The following CHD5 variants were observed in gnomAD, a reference collection of about 807,000 sequenced individuals.
The protein encoded by CHD5 is chromodomain helicase DNA binding protein 5, also known as ATP-dependent chromatin remodeler CHD5.
A neutral mutation model predicts 230.3 loss-of-function variants in CHD5; 69 were observed. That is an observed-to-expected ratio of 0.30 (90% confidence interval 0.25 to 0.37). The LOEUF (loss-of-function observed/expected upper bound fraction) is 0.37. Ranked by LOEUF, CHD5 falls within the 10% of genes least tolerant of loss-of-function variation. CHD5 has a pLI of 1.00. For synonymous variants in CHD5, 1,064 were observed against 1,065.9 expected (o/e 1.00, Z 0.03); for missense variants, 1,827 against 2,622.8 (o/e 0.70, Z 6.63).
chr1:6,107,963 A>G (rs1666221161), intron 38 of CHD5, among the ~76,000 whole-genome samples: 1 of 128,930 alleles, frequency 7.8e-6, no homozygotes, highest in Non-Finnish European at 1.6e-5. Context: ...TGATGGAGGG[A>G]TGGAAGGATG....
intron 25 of CHD5, chr1:6,127,147 G>A (rs1179977876): frequency 5.0e-6 from 1 of 201,012 alleles, no homozygotes; most frequent in South Asian, 8.8e-5. Context: ...AGACCCACAA[G>A]GAGCTCTTCG....
At chr1:6,141,280 G>A (rs999410760) in intron 15 of CHD5, among the ~76,000 whole-genome samples, 32 of 137,526 alleles carry the variant, frequency 2.3e-4, no homozygotes, top group East Asian at 2.2e-4. Context: ...GTGAGACTCC[G>A]TCTCAAAAAA....
chr1:6,133,361 T>G (rs902884582), intron 20 of CHD5, among the ~76,000 whole-genome samples: 2 of 152,252 alleles, frequency 1.3e-5, no homozygotes, highest in Non-Finnish European at 2.9e-5. Flanking sequence ...TCCAGTATTC[T>G]TCGGGCTGAA....
rs189322724 is a variant in CHD5 at position 6,129,448 on chromosome 1, G to A, written c.3388-379C>T. ...TTTCCCTGTGAGCGAACCACTAATG[G>A]GACCACAAGACCATGTGCTGGAGAC... On this transcript the variant is annotated intron_variant, in intron 22 of 41. Transcript: ENST00000262450. The surrounding 1 kb of genome is among the most constrained non-coding windows in gnomAD (Gnocchi z 6.8). Among the ~76,000 whole-genome samples, 17 of 152,258 alleles carry A rather than the reference G, an allele frequency of 1.1e-4. 1 individual carries two copies. In the East Asian group the frequency reaches 3.3e-3, roughly 29 times the overall value.
chr1:6,107,720 GATGGAGGGAT>G (rs1666213628), intron 38 of CHD5, among the ~76,000 whole-genome samples: 1 of 92,624 alleles, frequency 1.1e-5, no homozygotes, highest in African/African-American at 4.8e-5. Flanking sequence ...ATGGAGGGAT[GATGGAGGGAT>G]GAGGGATGAT....
intron 38 of CHD5, among the ~76,000 whole-genome samples, chr1:6,107,416 G>A (rs1666200614): frequency 9.7e-6 from 1 of 103,410 alleles, no homozygotes; most frequent in African/African-American, 4.1e-5. Context: ...GAAATGGAGG[G>A]ATGGAGGGAT....
Position 6,144,101 on chromosome 1 carries a change from G to A in CHD5, c.1857C>T (p.Tyr619=), listed in dbSNP as rs17436816. 177,322 of 1,614,092 alleles carry A rather than the reference G, an allele frequency of 0.11. 10,743 individuals are homozygous for A. The highest frequency in any genetic ancestry group is 0.24 in the Middle Eastern group (1,441 of 6,060). The change falls in exon 12 of 42, where the codon TAC becomes TAT. Residue 619 remains tyrosine, a synonymous_variant. Transcript: ENST00000262450. ...CATCGATCTCCCAGGTGCACTGGTC[G>A]TAGGGCAGGTCTTTCCACTTGATCA... ...HYLIKWKDLP[Y]DQCTWEIDDI...
intron 33 of CHD5, among the ~76,000 whole-genome samples, chr1:6,115,029 G>A (rs1666356971): frequency 6.6e-6 from 1 of 151,340 alleles, no homozygotes; most frequent in Non-Finnish European, 1.5e-5. Flanking sequence ...AAAAAAAGGG[G>A]GGGGCAGGCG....
chr1:6,108,802 T>G, intron 38 of CHD5, among the ~76,000 whole-genome samples: 1 of 135,798 alleles, frequency 7.4e-6, no homozygotes, highest in Non-Finnish European at 1.6e-5. Context: ...GATGGAGGTG[T>G]GGAAGGATGG....
chr1:6,123,015 C>T lies in CHD5; in HGVS notation c.4699+933G>A, dbSNP rs1000954811. ...CTGGGAGGCGGAGGTTGCAGTGAGC[C>T]GAGATCACTCCATCGCACTCCAGCC... On this transcript the variant is annotated intron_variant, in intron 31 of 41. Transcript: ENST00000262450. Among the ~76,000 whole-genome samples the T allele has an allele frequency of 8.0e-5, 12 of 150,786 alleles. No homozygotes were observed. In the East Asian group the frequency reaches 1.8e-3, roughly 22 times the overall value.
At chr1:6,139,422 A>C (rs1571154623) in intron 15 of CHD5, among the ~76,000 whole-genome samples, 1 of 151,914 alleles carries the variant, frequency 6.6e-6, no homozygotes, top group Non-Finnish European at 1.5e-5. Context: ...TTTTTAGCAG[A>C]GATAGGGTTT....
intron 25 of CHD5, among the ~76,000 whole-genome samples, chr1:6,127,454 C>G (rs975358914): frequency 6.6e-6 from 1 of 151,764 alleles, no homozygotes; most frequent in African/African-American, 2.4e-5. Context: ...CCACTGCACT[C>G]CAGCCGGGGC....
Position 6,146,526 on chromosome 1 carries a change from A to G in CHD5, c.1591-103T>C. On this transcript the variant is annotated intron_variant, in intron 10 of 41. Transcript: ENST00000262450. This position sits in a 1 kb window ranked among gnomAD's most constrained non-coding sequence, Gnocchi z 5.1. The stretch of plus-strand genomic sequence containing the variant: ...CCCCAGCCCAGGTCCCAGGCAGGAC[A>G]ATCCTCCCGCTCAGCACCACCCCAA... 2.1e-6 allele frequency: 3 copies of G among 1,406,166 alleles called. No homozygotes were observed. Among genetic ancestry groups the G allele is most frequent in the Non-Finnish European group, 3.0e-6 (3 of 1,003,682 alleles). 87.1% of individuals were successfully genotyped at this position (1,406,166 alleles called of 1,614,324 possible).
chr1:6,142,543 C>T lies in CHD5; in HGVS notation c.2106G>A (p.Pro702=), dbSNP rs770302662. Residue 702 remains proline (P), a synonymous_variant, in exon 14 of 42, where the codon CCG becomes CCA. Coordinates refer to ENST00000262450, the MANE Select transcript of CHD5 (RefSeq NM_015557.3). The surrounding 1 kb of genome is among the most constrained non-coding windows in gnomAD (Gnocchi z 5.2). ...YIDSTGGTLH[P]YQLEGLNWLR... is the part of the protein sequence containing the mutation. ...GCCAGTTGAGGCCCTCCAGCTGGTA[C>T]GGGTGCAGTGTGCCGCCTGTGGAGT... is the stretch of plus-strand genomic sequence containing the variant. 1.2e-5 allele frequency: 20 copies of T among 1,614,092 alleles called. No individual in the cohort carries two copies. Among genetic ancestry groups the T allele is most frequent in the Non-Finnish European group, 1.7e-5 (20 of 1,180,024 alleles).
At chr1:6,124,489 AG>A (rs1287806543) in intron 30 of CHD5, 27 bp downstream of exon 30, 2 of 1,609,836 alleles carry the variant, frequency 1.2e-6, no homozygotes, top group African/African-American at 2.7e-5. Context: ...GCCACCAGGA[AG>A]GGCCCTACAG....
chr1:6,175,155 T>C (rs145708155), intron 1 of CHD5, among the ~76,000 whole-genome samples: 30 of 149,104 alleles, frequency 2.0e-4, no homozygotes, highest in African/African-American at 7.5e-4. Context: ...GGCAGATGGA[T>C]GGATGGTGGG....
intron 3 of CHD5, among the ~76,000 whole-genome samples, chr1:6,157,539 G>GCTT (rs1181472632): frequency 2.0e-5 from 3 of 152,214 alleles, no homozygotes; most frequent in African/African-American, 7.2e-5. Context: ...CCGGAGCTGG[G>GCTT]CTTCTGCTCC....
At chr1:6,118,079 G>T (rs565043022) in intron 33 of CHD5, among the ~76,000 whole-genome samples, 3 of 152,184 alleles carry the variant, frequency 2.0e-5, no homozygotes, top group Non-Finnish European at 4.4e-5. Flanking sequence ...CCATACAATG[G>T]AATATTATTT....
Position 6,142,384 on chromosome 1 carries a change from C to T in CHD5, c.2235+30G>A, listed in dbSNP as rs1666842153. The T allele has an allele frequency of 1.3e-6, 2 of 1,595,856 alleles. No homozygotes were observed. The highest frequency in any genetic ancestry group is 2.2e-5 in the East Asian group (1 of 44,500). On this transcript the variant is annotated intron_variant, in intron 14 of 41. Transcript: ENST00000262450. The surrounding 1 kb of genome is among the most constrained non-coding windows in gnomAD (Gnocchi z 5.2). The stretch of plus-strand genomic sequence containing the variant: ...CCTGCCCTTGGCCAGGACCAGCCAC[C>T]CCTCCTGGCCGCCTGCCCCGCCTGC...
Sources: gnomAD v4.1 joint callset for allele counts (sites outside exome capture counted in the v4.1 genomes callset) on GRCh38, gnomAD v4.1.1 for gene constraint, Gnocchi (gnomAD v3.1) non-coding constraint, MANE v1.5 for transcripts, NCBI Gene and HGNC (gene_info 2026-07-23, HGNC 2026-07-21) for gene names.